The following KRT5 variants were observed in gnomAD, a reference collection of about 807,000 sequenced individuals.
The protein encoded by KRT5 is keratin, type II cytoskeletal 5.
A neutral mutation model predicts 44.0 loss-of-function variants in KRT5; 17 were observed. That is an observed-to-expected ratio of 0.39 (90% CI 0.26 to 0.58). KRT5 has a LOEUF of 0.58. Ranked by LOEUF, KRT5 falls within the 20% of genes least tolerant of loss-of-function variation. The pLI is 0.61. For synonymous variants in KRT5, 329 were observed against 312.8 expected (o/e 1.05, Z -0.55); for missense variants, 737 against 785.5 (o/e 0.94, Z 0.74).
chr12:52,516,922 G>T, intron 6 of KRT5, 65 bp from the exon 7 acceptor site: 1 of 1,589,634 alleles, frequency 6.3e-7, no homozygotes. Context: ...TGAGTTTCTG[G>T]GTCAGACAAA....
At chr12:52,519,671 C>G in intron 1 of KRT5, 71 bp downstream of exon 1, 74 of 1,451,316 alleles carry the variant, frequency 5.1e-5, no homozygotes, top group Non-Finnish European at 6.7e-5. Flanking sequence ...GCCAAAACAT[C>G]TTCCTTCTTT....
At position 52,519,022 on chromosome 12, in the gene KRT5, T is replaced by C. The variant is rs1436696087; in HGVS notation, c.694A>G (p.Ser232Gly). 1.2e-6 allele frequency: 2 copies of C among 1,614,200 alleles called. No homozygotes were observed. The highest frequency in any genetic ancestry group is 1.7e-6 in the Non-Finnish European group (2 of 1,180,040). ...YINNLRRQLD[S>G]IVGERGRLDS... ...AGGCGGCCCCGTTCCCCCACGATGC[T>C]GTCCAGCTGCCTCCTGAGGTTGTTG... Residue 232 changes from serine (S) to glycine (G), a missense_variant, in exon 2 of 9, where the codon AGC (serine) becomes GGC (glycine). Ser to Gly is a moderately conservative substitution (Grantham distance 56, BLOSUM62 0). Coordinates refer to ENST00000252242, the MANE Select transcript of KRT5 (RefSeq NM_000424.4).
chr12:52,516,954 A>C, intron 6 of KRT5, 97 bp from the exon 7 acceptor site: 1 of 1,531,222 alleles, frequency 6.5e-7, no homozygotes, highest in Non-Finnish European at 9.0e-7. Flanking sequence ...TGAATCCCAG[A>C]GAGAAACCAG....
chr12:52,519,321 A>G (rs552153031), intron 1 of KRT5, among the ~76,000 whole-genome samples, 161 bp from the exon 2 acceptor site: 103 of 152,226 alleles, frequency 6.8e-4, no homozygotes, highest in Non-Finnish European at 1.3e-3. Context: ...AGGCACCCAA[A>G]CTCACTTTTC....
At chr12:52,519,313 G>A (rs1938670862) in intron 1 of KRT5, among the ~76,000 whole-genome samples, 153 bp from the exon 2 acceptor site, 1 of 152,240 alleles carries the variant, frequency 6.6e-6, no homozygotes, top group Non-Finnish European at 1.5e-5. Flanking sequence ...GCAGACTGAG[G>A]CACCCAAACT....
In KRT5 at chr12:52,514,937, G is replaced by A. The variant is rs369607474; in HGVS notation, c.*5C>T. ...ACTTGGAAGGCAGTGACTTGCAGCA[G>A]GTTCTTAGCTCTTGAAGCTCTTCCG... is the stretch of plus-strand genomic sequence containing the variant. On this transcript the variant is annotated 3_prime_UTR_variant, in exon 9 of 9. Coordinates refer to ENST00000252242, the MANE Select transcript of KRT5 (RefSeq NM_000424.4). 3.1e-6 allele frequency: 5 copies of A among 1,613,118 alleles called. No homozygotes were observed. The highest frequency in any genetic ancestry group is 1.1e-5 in the South Asian group (1 of 91,036).
rs773410009 is a variant in KRT5, at chr12:52,520,142, G to A, written c.155C>T (p.Ala52Val). 1.9e-5 allele frequency: 30 copies of A among 1,613,864 alleles called. 1 individual carries two copies. The East Asian group carries it at 2.2e-4, about 12-fold the overall frequency. Reference sequence around the variant, plus strand: ...ATAGCCACCCACTCCACAAGCACCCGCAAGGCTGACCCTGCCGAAGCCACC... The same window carrying A: ...ATAGCCACCCACTCCACAAGCACCCACAAGGCTGACCCTGCCGAAGCCACC... ...GGGGFGRVSL[A>V]GACGVGGYGS... The change falls in exon 1 of 9, where the codon GCG (alanine) becomes GTG (valine). Residue 52 changes from alanine (A) to valine (V), a missense_variant. Physicochemically the swap from Ala to Val is moderately conservative, Grantham distance 64. Coordinates refer to ENST00000252242, the MANE Select transcript of KRT5 (RefSeq NM_000424.4).
chr12:52,515,634 A>G (rs1042620170), intron 8 of KRT5, 164 bp downstream of exon 8: 1 of 708,746 alleles, frequency 1.4e-6, no homozygotes, highest in Non-Finnish European at 2.6e-6. Flanking sequence ...TCCTGTCCCA[A>G]TCTGTCCTTC....
chr12:52,516,940 A>G (rs1938621291), intron 6 of KRT5, 83 bp from the exon 7 acceptor site: 2 of 1,553,118 alleles, frequency 1.3e-6, no homozygotes, highest in South Asian at 2.2e-5. Flanking sequence ...AAACCAAACT[A>G]TCATGAATCC....
intron 7 of KRT5, chr12:52,516,313 T>A: frequency 2.4e-6 from 1 of 413,222 alleles, no homozygotes; most frequent in Non-Finnish European, 4.5e-6. Context: ...AGGACAAGGG[T>A]GGATGGAGGT....
intron 3 of KRT5, 33 bp downstream of exon 3, chr12:52,518,070 G>T (rs1362441874): frequency 5.0e-6 from 8 of 1,612,524 alleles, no homozygotes; most frequent in Non-Finnish European, 6.8e-6. Context: ...GAGCATAGCT[G>T]CAGGCTGCTG....
At chr12:52,516,598 T>C in intron 7 of KRT5, 39 bp downstream of exon 7, 1 of 1,599,428 alleles carries the variant, frequency 6.3e-7, no homozygotes, top group Non-Finnish European at 8.6e-7. Flanking sequence ...CTTCGCTTTA[T>C]CAGCTGAAGG....
At position 52,520,286 on chromosome 12, in the gene KRT5, T is replaced by C; in HGVS notation, c.11A>G (p.Gln4Arg). The C allele has an allele frequency of 1.2e-6, 2 of 1,613,162 alleles. No homozygotes were observed. The highest frequency in any genetic ancestry group is 8.5e-7 in the Non-Finnish European group (1 of 1,180,006). Residue 4 changes from glutamine (Q) to arginine (R), a missense_variant, in exon 1 of 9, where the codon CAG (glutamine) becomes CGG (arginine). Around this residue, in one of 5 missense-constraint regions of KRT5, gnomAD observed 326 missense variants for 333.1 expected, o/e 0.98. Coordinates refer to ENST00000252242, the MANE Select transcript of KRT5 (RefSeq NM_000424.4). MSR[Q>R]SSVSFRSGGS... The stretch of plus-strand genomic sequence containing the variant: ...CCCGCTCCGGAAGGACACACTTGAC[T>C]GGCGAGACATGGTGGCTTGTTCCTG...
At position 52,516,879 on chromosome 12, in the gene KRT5, G is replaced by A. The variant is rs367550024; in HGVS notation, c.1219-22C>T. 5 of 1,613,156 alleles carry A rather than the reference G, an allele frequency of 3.1e-6. No homozygotes were observed. In the African/African-American group the frequency reaches 5.3e-5, roughly 17 times the overall value. On this transcript the variant is annotated intron_variant, in intron 6 of 8. Coordinates refer to ENST00000252242, the MANE Select transcript of KRT5 (RefSeq NM_000424.4). ...CGCACTACAGATAGAAAGGAGGAGA[G>A]TGGGGTTGCTTGGGACCTGAGGTGT... is the stretch of plus-strand genomic sequence containing the variant.
intron 6 of KRT5, 87 bp from the exon 7 acceptor site, chr12:52,516,944 T>C (rs764330369): frequency 1.9e-6 from 3 of 1,550,634 alleles, no homozygotes; most frequent in South Asian, 2.2e-5. Context: ...CAAACTATCA[T>C]GAATCCCAGA....
Position 52,514,685 on chromosome 12 carries a change from T to C in KRT5, c.*257A>G. 2.1e-6 allele frequency: 1 copy of C among 482,468 alleles called. No homozygotes were observed. Among genetic ancestry groups the C allele is most frequent in the Non-Finnish European group, 3.7e-6 (1 of 273,726 alleles). The allele number at this position is 482,468 out of a possible 1,614,324, so 29.9% of individuals were successfully genotyped here. On this transcript the variant is annotated 3_prime_UTR_variant, in exon 9 of 9. Transcript: ENST00000252242. The stretch of plus-strand genomic sequence containing the variant: ...TTGATGATTTAGATTTGGGAAAACT[T>C]TGGGTTCTCGTGTCAGCAGGGGCCA...
Position 52,520,358 on chromosome 12 carries a change from G to T in KRT5, c.-62C>A. On this transcript the variant is annotated 5_prime_UTR_variant, in exon 1 of 9. Coordinates refer to ENST00000252242, the MANE Select transcript of KRT5 (RefSeq NM_000424.4). ...CTAGTGGGTTGGGAGGTGCTGGAGA[G>T]AACAGAGCTCAGCAGGACGCAGAAG... 2 of 1,509,106 alleles carry T rather than the reference G, an allele frequency of 1.3e-6. No individual in the cohort carries two copies. Among genetic ancestry groups the T allele is most frequent in the Non-Finnish European group, 1.8e-6 (2 of 1,090,348 alleles). The allele number at this position is 1,509,106 out of a possible 1,614,324, so 93.5% of individuals were successfully genotyped here.
chr12:52,520,004 C>A lies in KRT5; in HGVS notation c.293G>T (p.Gly98Val), dbSNP rs534913364. 49 of 1,614,104 alleles carry A rather than the reference C, an allele frequency of 3.0e-5. No individual in the cohort carries two copies. Among genetic ancestry groups the A allele is most frequent in the Non-Finnish European group, 4.0e-5 (47 of 1,180,022 alleles). ...GAGAGGGYGF[G>V]GGAGSGFGFG... ...ACCAAATCCACTACCGGCACCACCT[C>A]CAAAGCCATAGCCGCCTCCAGCACC... The change falls in exon 1 of 9, where the codon GGA (glycine) becomes GTA (valine). Residue 98 changes from glycine to valine, a missense_variant. Around this residue, in one of 5 missense-constraint regions of KRT5, gnomAD observed 326 missense variants for 333.1 expected, o/e 0.98. Coordinates refer to ENST00000252242, the MANE Select transcript of KRT5 (RefSeq NM_000424.4).
chr12:52,518,135 T>C lies in KRT5; in HGVS notation c.799A>G (p.Thr267Ala). Residue 267 changes from threonine to alanine, a missense_variant, in exon 3 of 9, where the codon ACT (threonine) becomes GCT (alanine). This residue lies in a region of KRT5 where 59 missense variants were observed against 62.5 expected (regional missense o/e 0.94). Transcript: ENST00000252242. ...KYEDEINKRTTAENEFVMLKK... is the reference protein window; with the variant it reads ...KYEDEINKRTAAENEFVMLKK... ...AGCATCACAAACTCATTCTCAGCAG[T>C]GGTACGCTTGTTGATTTCATCCTCA... 1 of 1,614,236 alleles carries C rather than the reference T, an allele frequency of 6.2e-7. No homozygotes were observed. Among genetic ancestry groups the C allele is most frequent in the South Asian group, 1.1e-5 (1 of 91,092 alleles).
Sources: gnomAD v4.1 joint callset for allele counts (sites outside exome capture counted in the v4.1 genomes callset) on GRCh38, gnomAD v4.1.1 for gene constraint, gnomAD v4.1.1 regional missense constraint, MANE v1.5 for transcripts, NCBI Gene and HGNC (gene_info 2026-07-23, HGNC 2026-07-21) for gene names.